Variants in LRRTM4 observed in about 807,000 individuals in gnomAD.
LRRTM4 encodes the protein leucine-rich repeat transmembrane neuronal protein 4.
Under a neutral mutation model 47.6 loss-of-function variants are expected in LRRTM4, and 25 were observed. The observed-to-expected ratio is 0.53, with a 90% CI of 0.38 to 0.73. The LOEUF is 0.73. LRRTM4 is among the 30% of genes least tolerant of loss of function. The pLI is 0.00. For missense variants in LRRTM4, 638 were observed against 713.4 expected, an observed-to-expected ratio of 0.89 and a Z score of 1.20; for synonymous variants, 311 against 269.5, an observed-to-expected ratio of 1.15 and a Z score of -1.51.
intron 3 of LRRTM4, among the ~76,000 whole-genome samples, chr2:76,866,101 T>C (rs532726162): frequency 1.3e-5 from 2 of 151,968 alleles, no homozygotes; most frequent in South Asian, 4.2e-4. Context: ...CAAAATAGAG[T>C]AACTTGGTAC....
intron 3 of LRRTM4, among the ~76,000 whole-genome samples, chr2:76,806,326 A>G (rs1362833889): frequency 6.6e-6 from 1 of 152,192 alleles, no homozygotes; most frequent in Non-Finnish European, 1.5e-5. Context: ...TCACACCTGT[A>G]ATCTCAGCAC....
At chr2:77,263,941 G>A (rs750377294) in intron 3 of LRRTM4, among the ~76,000 whole-genome samples, 2 of 151,816 alleles carry the variant, frequency 1.3e-5, no homozygotes, top group Non-Finnish European at 2.9e-5. Context: ...TCTATACAAA[G>A]GAAGACCTTC....
intron 3 of LRRTM4, among the ~76,000 whole-genome samples, chr2:76,946,310 C>T (rs1037643248): frequency 7.9e-5 from 12 of 151,858 alleles, no homozygotes; most frequent in Admixed American, 1.3e-4. Context: ...TCAGTGTATA[C>T]GTGTGTAGAG....
At chr2:76,937,584 G>T (rs1269816497) in intron 3 of LRRTM4, among the ~76,000 whole-genome samples, 1 of 152,130 alleles carries the variant, frequency 6.6e-6, no homozygotes, top group Non-Finnish European at 1.5e-5. Context: ...GTGTGTATGT[G>T]TGTGAAATGA....
At chr2:77,398,245 A>T (rs1397235533) in intron 3 of LRRTM4, among the ~76,000 whole-genome samples, 1 of 151,932 alleles carries the variant, frequency 6.6e-6, no homozygotes, top group African/African-American at 2.4e-5. Flanking sequence ...ATCAATTTAC[A>T]ATACGTCTTC....
chr2:76,799,023 T>C (rs1038450509), intron 3 of LRRTM4, among the ~76,000 whole-genome samples: 5 of 149,836 alleles, frequency 3.3e-5, no homozygotes, highest in Admixed American at 6.6e-5. Context: ...ACCAGAGGTA[T>C]AAGGAGGAGC....
chr2:77,497,096 A>T (rs1678392058), intron 3 of LRRTM4, among the ~76,000 whole-genome samples: 1 of 151,648 alleles, frequency 6.6e-6, no homozygotes, highest in South Asian at 2.1e-4. Context: ...GATGTTTATT[A>T]TATTCTCTTA....
intron 3 of LRRTM4, among the ~76,000 whole-genome samples, chr2:77,143,947 G>A (rs191161675): frequency 2.0e-5 from 3 of 152,208 alleles, no homozygotes; most frequent in Admixed American, 6.5e-5. Flanking sequence ...TTATTTTTGG[G>A]GGACGGGTTT....
chr2:77,435,309 T>C (rs1419634820), intron 3 of LRRTM4, among the ~76,000 whole-genome samples: 1 of 152,172 alleles, frequency 6.6e-6, no homozygotes, highest in Non-Finnish European at 1.5e-5. Context: ...TGAATCCAAC[T>C]AATTAAAAGA....
chr2:76,886,678 C>G (rs187865967), intron 3 of LRRTM4, among the ~76,000 whole-genome samples: 18 of 151,994 alleles, frequency 1.2e-4, no homozygotes, highest in African/African-American at 4.3e-4. Context: ...ACATAACTCT[C>G]CTACATATTT....
intron 3 of LRRTM4, among the ~76,000 whole-genome samples, chr2:77,034,409 TAATATC>T (rs917849339): frequency 9.9e-5 from 15 of 151,960 alleles, no homozygotes; most frequent in African/African-American, 3.6e-4. Flanking sequence ...TTTCTAGTTT[TAATATC>T]AATATGCACA....
chr2:77,065,436 T>C (rs915856812), intron 3 of LRRTM4, among the ~76,000 whole-genome samples: 16 of 152,334 alleles, frequency 1.1e-4, no homozygotes, highest in South Asian at 8.3e-4. Flanking sequence ...ATTGACCTTT[T>C]TTATTAGGTC....
At chr2:76,802,393 T>G (rs540662723) in intron 3 of LRRTM4, among the ~76,000 whole-genome samples, 1 of 152,128 alleles carries the variant, frequency 6.6e-6, no homozygotes, top group South Asian at 2.1e-4. Flanking sequence ...CAAGATAGTC[T>G]TAGGAAAAAA....
chr2:77,396,114 T>C (rs546439022), intron 3 of LRRTM4, among the ~76,000 whole-genome samples: 1 of 152,108 alleles, frequency 6.6e-6, no homozygotes, highest in African/African-American at 2.4e-5. Flanking sequence ...TTTAATTTTG[T>C]TGTTTTTTTA....
chr2:77,444,516 G>C (rs1175266808), intron 3 of LRRTM4, among the ~76,000 whole-genome samples: 1 of 152,048 alleles, frequency 6.6e-6, no homozygotes, highest in African/African-American at 2.4e-5. Context: ...GAAGATAGAA[G>C]AAGATATGGT....
intron 3 of LRRTM4, among the ~76,000 whole-genome samples, chr2:77,024,272 G>A (rs958686078): frequency 6.6e-6 from 1 of 152,088 alleles, no homozygotes; most frequent in African/African-American, 2.4e-5. Context: ...GGTAACCACT[G>A]TTCTACTCTT....
intron 3 of LRRTM4, among the ~76,000 whole-genome samples, chr2:77,445,109 T>C (rs1265261929): frequency 6.6e-6 from 1 of 151,980 alleles, no homozygotes; most frequent in Non-Finnish European, 1.5e-5. Flanking sequence ...TATAAGGCAA[T>C]TGTGTATGAT....
chr2:76,917,990 A>G (rs749928599), intron 3 of LRRTM4, among the ~76,000 whole-genome samples: 29 of 152,180 alleles, frequency 1.9e-4, no homozygotes, highest in African/African-American at 6.0e-4. Flanking sequence ...AATCTTGACT[A>G]TAACAGGCAA....
At chr2:76,842,953 C>T (rs542943846) in intron 3 of LRRTM4, among the ~76,000 whole-genome samples, 4 of 152,210 alleles carry the variant, frequency 2.6e-5, no homozygotes, top group African/African-American at 7.2e-5. Context: ...AGTCAGCTGT[C>T]CCTTCTATGG....
Sources: allele counts gnomAD v4.1 joint callset (sites outside exome capture counted in the v4.1 genomes callset), GRCh38; gene constraint gnomAD v4.1.1; transcripts MANE v1.5; gene names NCBI Gene and HGNC (gene_info 2026-07-23, HGNC 2026-07-21).